Variants in CDC14A observed in about 807,000 individuals in gnomAD.
CDC14A encodes dual specificity protein phosphatase CDC14A.
CDC14A carries 53 observed loss-of-function variants against 74.4 expected under a neutral mutation model. That is an observed-to-expected ratio of 0.71 (90% CI 0.57 to 0.89). The LOEUF (loss-of-function observed/expected upper bound fraction) is 0.89, where lower values mean the gene tolerates loss of function less well. Among genes scored for constraint, CDC14A ranks in the 40% least tolerant of loss-of-function variants. The pLI is 0.00. For missense variants in CDC14A, 646 were observed against 713.7 expected, an observed-to-expected ratio of 0.91 and a Z score of 1.08; for synonymous variants, 247 against 258.4, an observed-to-expected ratio of 0.96 and a Z score of 0.43.
Position 100,497,884 on chromosome 1 carries a change from C to A in CDC14A, c.1299-201C>A, listed in dbSNP as rs187487999. ...TTCTTAGGGTTGTTGTAAGGACAAG[C>A]TGAGCTGACATCTTTAAGGTTCTTA... On this transcript the variant is annotated intron_variant, in intron 13 of 15. Transcript: ENST00000336454. 2.9e-3 allele frequency among the ~76,000 whole-genome samples: 436 copies of A among 151,920 alleles called. 4 individuals are homozygous for A. The highest frequency in any genetic ancestry group is 0.01 in the African/African-American group (423 of 41,528).
At chr1:100,439,269 C>CTTTCT (rs1277525314) in intron 5 of CDC14A, among the ~76,000 whole-genome samples, 4 of 152,198 alleles carry the variant, frequency 2.6e-5, no homozygotes, top group East Asian at 1.9e-4. Flanking sequence ...TTCCTGTTTT[C>CTTTCT]TTTCTTTTCT....
chr1:100,351,593 T>G (rs942234132), upstream of CDC14A: 8 of 637,558 alleles, frequency 1.3e-5, 1 homozygote. Context: ...CCTTCCTCCT[T>G]GGACCAGTGG....
rs1248313232 is a variant in CDC14A at position 100,499,125 on chromosome 1, A to G, written c.1618A>G (p.Ser540Gly). Reference sequence around the variant, plus strand: ...CAACAATAATCAGTACAACAGAAGCAGCAACAGCAACGGGGGCAACCTGAA... The same window carrying G: ...CAACAATAATCAGTACAACAGAAGCGGCAACAGCAACGGGGGCAACCTGAA... Reference protein sequence around the residue: ...ELNNNQYNRSSNSNGGNLNSP... With the variant: ...ELNNNQYNRSGNSNGGNLNSP... Residue 540 changes from serine (S) to glycine (G), a missense_variant, in exon 15 of 16, where the codon AGC (serine) becomes GGC (glycine). Coordinates refer to ENST00000336454, the MANE Select transcript of CDC14A (RefSeq NM_003672.4). 6.2e-6 allele frequency: 10 copies of G among 1,614,068 alleles called. No individual in the cohort carries two copies. Among genetic ancestry groups the G allele is most frequent in the Non-Finnish European group, 8.5e-6 (10 of 1,180,042 alleles).
intron 1 of CDC14A, among the ~76,000 whole-genome samples, chr1:100,347,354 C>G (rs1420118230): frequency 1.3e-5 from 2 of 152,216 alleles, no homozygotes; most frequent in African/African-American, 4.8e-5. Context: ...TCCACTCCTA[C>G]CCCCATATTG....
intron 5 of CDC14A, among the ~76,000 whole-genome samples, chr1:100,431,854 A>G (rs1354456553): frequency 6.6e-6 from 1 of 151,726 alleles, no homozygotes; most frequent in Admixed American, 6.6e-5. Context: ...AAAAAAAAAA[A>G]AGAATAGAAA....
intron 10 of CDC14A, among the ~76,000 whole-genome samples, chr1:100,476,484 T>C (rs1418092031): frequency 6.6e-6 from 1 of 152,098 alleles, no homozygotes; most frequent in Non-Finnish European, 1.5e-5. Flanking sequence ...TTGAATCATA[T>C]CTTCTTCAGC....
At chr1:100,429,775 G>A (rs192317505) in intron 5 of CDC14A, among the ~76,000 whole-genome samples, 1,864 of 146,650 alleles carry the variant, frequency 0.013, 39 homozygotes, top group African/African-American at 0.043. Context: ...TATCAAGTGT[G>A]TATATATATA....
At chr1:100,395,568 C>G (rs1557713212) in intron 4 of CDC14A, among the ~76,000 whole-genome samples, 1 of 152,192 alleles carries the variant, frequency 6.6e-6, no homozygotes, top group Admixed American at 6.5e-5. Flanking sequence ...TCATTGTTCA[C>G]CTGGATTATG....
At chr1:100,457,481 C>T (rs1666825222) in intron 8 of CDC14A, among the ~76,000 whole-genome samples, 1 of 152,080 alleles carries the variant, frequency 6.6e-6, no homozygotes, top group African/African-American at 2.4e-5. Flanking sequence ...TATTTAGAGA[C>T]AGGCTCTTGC....
At position 100,384,948 on chromosome 1, in the gene CDC14A, GGAATA is replaced by G. The variant is rs1273127804; in HGVS notation, c.217-5783_217-5779del. On this transcript the variant is annotated intron_variant, in intron 3 of 15. Transcript: ENST00000336454. ...GAGAACATCTGAATTTGGAACTTCTGGAATAATGACATTTAAGGCAGCTTAATTAC... is the reference window on the plus strand; with the variant it reads ...GAGAACATCTGAATTTGGAACTTCTGATGACATTTAAGGCAGCTTAATTAC... Among the ~76,000 whole-genome samples the G allele has an allele frequency of 2.0e-5, 3 of 152,074 alleles. No homozygotes were observed. In the East Asian group the frequency reaches 5.8e-4, roughly 29 times the overall value.
rs534281685 is a variant in CDC14A, at chr1:100,359,297, G to A, written c.140+5445G>A. 3.9e-5 allele frequency among the ~76,000 whole-genome samples: 6 copies of A among 152,330 alleles called. No homozygotes were observed. In the South Asian group the frequency reaches 1.2e-3, roughly 32 times the overall value. ...GTTATTATCACTACTTAACAAAGGAGGAAGTAGAGGTCCAGAGAGGGAAGT... is the reference window on the plus strand; with the variant it reads ...GTTATTATCACTACTTAACAAAGGAAGAAGTAGAGGTCCAGAGAGGGAAGT... On this transcript the variant is annotated intron_variant, in intron 2 of 15. Coordinates refer to ENST00000336454, the MANE Select transcript of CDC14A (RefSeq NM_003672.4).
At chr1:100,389,544 T>C (rs1374233474) in intron 3 of CDC14A, among the ~76,000 whole-genome samples, 3 of 151,908 alleles carry the variant, frequency 2.0e-5, no homozygotes, top group African/African-American at 4.8e-5. Context: ...TCCTGGCTCA[T>C]TGGAGGGATA....
chr1:100,352,319 C>T (rs1232084376), upstream of CDC14A: 7 of 337,302 alleles, frequency 2.1e-5, no homozygotes, highest in Non-Finnish European at 3.0e-5. Context: ...CCTAGTGACC[C>T]GCGGGGCGCC....
At chr1:100,360,814 G>A (rs948230338) in intron 2 of CDC14A, among the ~76,000 whole-genome samples, 1 of 152,028 alleles carries the variant, frequency 6.6e-6, no homozygotes, top group Non-Finnish European at 1.5e-5. Flanking sequence ...ATAAGGCTGT[G>A]AAAACAAAAA....
At chr1:100,410,870 A>G (rs977366747) in intron 4 of CDC14A, among the ~76,000 whole-genome samples, 1 of 152,146 alleles carries the variant, frequency 6.6e-6, no homozygotes, top group South Asian at 2.1e-4. Context: ...GCTCCTTTTT[A>G]TTAAGGAACA....
Position 100,464,428 on chromosome 1 carries a change from C to A in CDC14A, c.838+1547C>A, listed in dbSNP as rs1047796287. On this transcript the variant is annotated intron_variant, in intron 9 of 15. Coordinates refer to ENST00000336454, the MANE Select transcript of CDC14A (RefSeq NM_003672.4). ...CTTGTCCCCATGTGATTCATTTGCA[C>A]CCTGTTTGCTTTTCCATTGCATTTT... Among the ~76,000 whole-genome samples the A allele has an allele frequency of 3.9e-5, 6 of 152,336 alleles. No individual in the cohort carries two copies. In the South Asian group the frequency reaches 1.2e-3, roughly 32 times the overall value.
At chr1:100,420,031 T>TACATATATATATACATATATACACAC (rs1553180433) in intron 4 of CDC14A, among the ~76,000 whole-genome samples, 3 of 82,880 alleles carry the variant, frequency 3.6e-5, no homozygotes, top group Non-Finnish European at 5.3e-5. Flanking sequence ...TATACATATA[T>TACATATATATATACATATATACACAC]ACACACACAC....
intron 4 of CDC14A, among the ~76,000 whole-genome samples, chr1:100,409,264 A>G (rs571398995): frequency 1.3e-5 from 2 of 152,020 alleles, no homozygotes; most frequent in South Asian, 4.2e-4. Context: ...TGATTCAGAC[A>G]CCTCCCATCG....
At chr1:100,516,268 T>TTA (rs533277608) in intron 15 of CDC14A, among the ~76,000 whole-genome samples, 3 of 152,156 alleles carry the variant, frequency 2.0e-5, no homozygotes, top group Non-Finnish European at 4.4e-5. Flanking sequence ...ATGTGTGTGT[T>TTA]TATATATATA....
Sources: gnomAD v4.1 joint callset for allele counts (sites outside exome capture counted in the v4.1 genomes callset) on GRCh38, gnomAD v4.1.1 for gene constraint, MANE v1.5 for transcripts, NCBI Gene and HGNC (gene_info 2026-07-23, HGNC 2026-07-21) for gene names.